The following GFRA1 variants were observed in gnomAD, a reference collection of about 807,000 sequenced individuals.
GFRA1 encodes the protein GDNF family receptor alpha 1.
Under a neutral mutation model 51.6 loss-of-function variants are expected in GFRA1, and 16 were observed. That is an observed-to-expected ratio of 0.31 (90% CI 0.21 to 0.47). The LOEUF (loss-of-function observed/expected upper bound fraction) is 0.47. GFRA1 is among the 20% of genes least tolerant of loss of function. The pLI is 1.00. For synonymous variants in GFRA1, 270 were observed against 241.3 expected (o/e 1.12, Z -1.10); for missense variants, 530 against 594.3 (o/e 0.89, Z 1.13).
At chr10:116,166,091 C>G (rs1177559262) in intron 5 of GFRA1, among the ~76,000 whole-genome samples, 3 of 152,184 alleles carry the variant, frequency 2.0e-5, no homozygotes, top group African/African-American at 7.2e-5. Context: ...GGATAATGGC[C>G]TCCAGCTCCA....
intron 4 of GFRA1, among the ~76,000 whole-genome samples, chr10:116,225,513 G>A (rs1298581287): frequency 2.4e-5 from 3 of 122,784 alleles, no homozygotes; most frequent in African/African-American, 9.6e-5. Context: ...CCAGCCTGGC[G>A]ACAGAGCAAG....
intron 5 of GFRA1, among the ~76,000 whole-genome samples, chr10:116,163,393 C>T (rs1960031318): frequency 6.6e-6 from 1 of 152,196 alleles, no homozygotes; most frequent in African/African-American, 2.4e-5. Context: ...TTGTTCTCAA[C>T]CCATTGAATA....
Position 116,061,755 on chromosome 10 carries a change from T to C in GFRA1, c.*2643A>G. The C allele has an allele frequency of 2.7e-6, 1 of 374,668 alleles. No homozygotes were observed. The highest frequency in any genetic ancestry group is 4.7e-6 in the Non-Finnish European group (1 of 211,292). The allele number at this position is 374,668 out of a possible 1,614,324, so 23.2% of individuals were successfully genotyped here. A position where few individuals can be genotyped will look rare whatever the true frequency, so the allele number is the denominator to read the frequency against. ...AGGACAGGAAGTAGCGAATCATTTT[T>C]GCTTTTAAGCACGCCAAGAAGAAGT... is the stretch of plus-strand genomic sequence containing the variant. On this transcript the variant is annotated 3_prime_UTR_variant, in exon 11 of 11. Coordinates refer to ENST00000355422, the MANE Select transcript of GFRA1 (RefSeq NM_005264.8).
At chr10:116,260,263 A>G (rs1189920205) in intron 4 of GFRA1, among the ~76,000 whole-genome samples, 1 of 152,132 alleles carries the variant, frequency 6.6e-6, no homozygotes, top group African/African-American at 2.4e-5. Context: ...TGCCTTTGTC[A>G]CAGCCAGGAC....
At chr10:116,174,991 G>A (rs1234640247) in intron 5 of GFRA1, among the ~76,000 whole-genome samples, 1 of 152,164 alleles carries the variant, frequency 6.6e-6, no homozygotes, top group Non-Finnish European at 1.5e-5. Context: ...GTCCTAATCA[G>A]TTTAAAGGGG....
At chr10:116,166,788 TTTTTTTTTTTTTTTTTTTTTTTTTTTG>T (rs974608254) in intron 5 of GFRA1, among the ~76,000 whole-genome samples, 2 of 56,580 alleles carry the variant, frequency 3.5e-5, no homozygotes, top group African/African-American at 1.6e-4. Flanking sequence ...TTCTTTTTTT[TTTTTTTTTTTTTTTTTTTTTTTTTTTG>T]TTGAGACGGA....
chr10:116,180,625 G>A (rs1962117736), intron 5 of GFRA1, among the ~76,000 whole-genome samples: 1 of 151,992 alleles, frequency 6.6e-6, no homozygotes, highest in African/African-American at 2.4e-5. Flanking sequence ...TCACTTCCTA[G>A]ATTCTATACC....
chr10:116,251,557 T>A (rs984727689), intron 4 of GFRA1, among the ~76,000 whole-genome samples: 1 of 152,152 alleles, frequency 6.6e-6, no homozygotes, highest in African/African-American at 2.4e-5. Context: ...AAAAAACGTA[T>A]AATGGGACAT....
At chr10:116,071,627 A>G (rs1011715525) in intron 9 of GFRA1, among the ~76,000 whole-genome samples, 1 of 152,194 alleles carries the variant, frequency 6.6e-6, no homozygotes, top group Non-Finnish European at 1.5e-5. Context: ...CCTGGCACCA[A>G]TGGGACAGTC....
intron 4 of GFRA1, among the ~76,000 whole-genome samples, chr10:116,265,039 T>G (rs1969557113): frequency 6.6e-6 from 1 of 152,200 alleles, no homozygotes; most frequent in South Asian, 2.1e-4. Context: ...TGACGGTGCA[T>G]TTGAACAGAA....
At chr10:116,108,990 C>A (rs1483960327) in intron 6 of GFRA1, among the ~76,000 whole-genome samples, 1 of 152,202 alleles carries the variant, frequency 6.6e-6, no homozygotes, top group African/African-American at 2.4e-5. Flanking sequence ...GAAGGTTCAG[C>A]AACATTAACA....
intron 5 of GFRA1, among the ~76,000 whole-genome samples, chr10:116,167,046 G>A (rs141312353): frequency 0.032 from 4,866 of 151,832 alleles, 241 homozygotes; most frequent in African/African-American, 0.11. Context: ...TGATCCGCCC[G>A]TCTCGGCCTC....
intron 5 of GFRA1, among the ~76,000 whole-genome samples, chr10:116,125,763 C>G (rs957134579): frequency 6.6e-6 from 1 of 152,158 alleles, no homozygotes; most frequent in Non-Finnish European, 1.5e-5. Context: ...GCACAAAAGC[C>G]CCTAATATTC....
chr10:116,097,449 G>T (rs547732204), intron 6 of GFRA1, among the ~76,000 whole-genome samples: 1 of 152,216 alleles, frequency 6.6e-6, no homozygotes, highest in Non-Finnish European at 1.5e-5. Context: ...GCTGCCTGCA[G>T]GTTGGAATCT....
At chr10:116,244,823 T>C (rs1967734424) in intron 4 of GFRA1, among the ~76,000 whole-genome samples, 1 of 151,930 alleles carries the variant, frequency 6.6e-6, no homozygotes, top group African/African-American at 2.4e-5. Context: ...TTTCCAGAAG[T>C]AAACAAAAAT....
At chr10:116,224,383 C>T (rs369996551) in intron 4 of GFRA1, among the ~76,000 whole-genome samples, 1 of 152,164 alleles carries the variant, frequency 6.6e-6, no homozygotes, top group Non-Finnish European at 1.5e-5. Context: ...ATGCAAAAAT[C>T]TGTACACAAG....
intron 5 of GFRA1, among the ~76,000 whole-genome samples, chr10:116,147,074 G>C (rs1958833697): frequency 6.6e-6 from 1 of 151,980 alleles, no homozygotes; most frequent in African/African-American, 2.4e-5. Context: ...ATGCAAATAT[G>C]TCAAAATGTT....
At chr10:116,233,784 T>C (rs1400066351) in intron 4 of GFRA1, among the ~76,000 whole-genome samples, 1 of 152,214 alleles carries the variant, frequency 6.6e-6, no homozygotes, top group African/African-American at 2.4e-5. Flanking sequence ...GCCTGATTCC[T>C]TTTAACAAAC....
At position 116,125,410 on chromosome 10, in the gene GFRA1, T is replaced by C. The variant is rs367892328; in HGVS notation, c.581A>G (p.Lys194Arg). 1.9e-6 allele frequency: 3 copies of C among 1,614,100 alleles called. No homozygotes were observed. The highest frequency in any genetic ancestry group is 1.3e-5 in the African/African-American group (1 of 74,950). ...NDVCNRRKCH[K>R]ALRQFFDKVP... ...CTTGTCAAAGAACTGCCGGAGGGCC[T>C]TGTGGCACTTGCGGCGGTTGCAGAC... Residue 194 changes from lysine (K) to arginine (R), a missense_variant, in exon 6 of 11, where the codon AAG becomes AGG. By Grantham distance (26) the Lys-to-Arg change is conservative (BLOSUM62 2). Coordinates refer to ENST00000355422, the MANE Select transcript of GFRA1 (RefSeq NM_005264.8).
Sources: gnomAD v4.1 joint callset for allele counts (sites outside exome capture counted in the v4.1 genomes callset) on GRCh38, gnomAD v4.1.1 for gene constraint, MANE v1.5 for transcripts, NCBI Gene and HGNC (gene_info 2026-07-23, HGNC 2026-07-21) for gene names.